MANBAL: variants seen among roughly 807,000 people sequenced by gnomAD.
MANBAL encodes the protein protein MANBAL.
In MANBAL, 1 loss-of-function variant was observed where a neutral mutation model predicts 6.4. The observed-to-expected ratio is 0.16, with a 90% CI of 0.06 to 0.74. The LOEUF is 0.74. MANBAL is among the 30% of genes least tolerant of loss of function. The probability of loss-of-function intolerance (pLI) is 0.78; values close to 1 mark genes in which losing one functional copy is unlikely to be tolerated. For synonymous variants in MANBAL, 47 were observed against 45.8 expected (o/e 1.03, Z -0.10); for missense variants, 100 against 107.8 (o/e 0.93, Z 0.32).
chr20:37,312,192 G>C (rs2069405836), intron 2 of MANBAL, among the ~76,000 whole-genome samples: 1 of 152,180 alleles, frequency 6.6e-6, no homozygotes, highest in African/African-American at 2.4e-5. Context: ...ACTCCCTTCA[G>C]CTGTAAAAAA....
intron 2 of MANBAL, among the ~76,000 whole-genome samples, chr20:37,313,677 G>C (rs2069440619): frequency 6.6e-6 from 1 of 152,154 alleles, no homozygotes; most frequent in African/African-American, 2.4e-5. Flanking sequence ...CTGCACTCCA[G>C]CCTGGGCAAA....
intron 2 of MANBAL, chr20:37,302,243 A>C: frequency 6.4e-7 from 1 of 1,550,526 alleles, no homozygotes; most frequent in Non-Finnish European, 8.7e-7. Flanking sequence ...GGTGTCATTT[A>C]ACGTGTTTCT....
chr20:37,309,400 C>G (rs2069330394), intron 2 of MANBAL, among the ~76,000 whole-genome samples: 1 of 152,212 alleles, frequency 6.6e-6, no homozygotes, highest in South Asian at 2.1e-4. Context: ...CCACATTTAG[C>G]TGCCTACTCT....
chr20:37,316,483 AT>A lies in MANBAL; in HGVS notation c.*70del. The stretch of plus-strand genomic sequence containing the variant: ...GGGGACAGCCCTCCTGGGAATCTAC[AT>A]TGTGTTCCCCCGCATTCCAGGCTCA... On this transcript the variant is annotated 3_prime_UTR_variant, in exon 3 of 3. Coordinates refer to ENST00000373606, the MANE Select transcript of MANBAL (RefSeq NM_001003897.2). 1 of 1,378,308 alleles carries A rather than the reference AT, an allele frequency of 7.3e-7. No individual in the cohort carries two copies. The highest frequency in any genetic ancestry group is 1.0e-6 in the Non-Finnish European group (1 of 990,192). The allele number at this position is 1,378,308 out of a possible 1,614,324, so 85.4% of individuals were successfully genotyped here.
intron 2 of MANBAL, among the ~76,000 whole-genome samples, chr20:37,311,397 C>T (rs1360560722): frequency 6.6e-6 from 1 of 152,216 alleles, no homozygotes; most frequent in African/African-American, 2.4e-5. Context: ...ATTTATCTCA[C>T]ACAAAGGGGA....
intron 2 of MANBAL, among the ~76,000 whole-genome samples, chr20:37,311,705 T>G (rs1260790740): frequency 6.6e-6 from 1 of 152,216 alleles, no homozygotes; most frequent in Non-Finnish European, 1.5e-5. Context: ...CAGGCTGGTC[T>G]TGAACTCCCG....
intron 2 of MANBAL, among the ~76,000 whole-genome samples, chr20:37,301,905 C>T (rs559727319): frequency 5.3e-5 from 8 of 152,246 alleles, no homozygotes; most frequent in South Asian, 4.1e-4. Context: ...GGGCACTGCA[C>T]GTGCAAGGGA....
intron 1 of MANBAL, among the ~76,000 whole-genome samples, chr20:37,295,245 G>A (rs1339094198): frequency 6.6e-6 from 1 of 152,180 alleles, no homozygotes; most frequent in African/African-American, 2.4e-5. Flanking sequence ...TATGAGTCAG[G>A]ACCTGGAATA....
chr20:37,293,663 C>G (rs974550244), intron 1 of MANBAL, among the ~76,000 whole-genome samples: 3 of 152,086 alleles, frequency 2.0e-5, no homozygotes, highest in Admixed American at 2.0e-4. Context: ...GTGACAAACC[C>G]GACTCCCACC....
At chr20:37,299,479 A>C (rs895831903) in intron 1 of MANBAL, among the ~76,000 whole-genome samples, 2 of 152,238 alleles carry the variant, frequency 1.3e-5, no homozygotes, top group African/African-American at 2.4e-5. Flanking sequence ...ATCTCAATTC[A>C]AACTAGCTGC....
intron 1 of MANBAL, among the ~76,000 whole-genome samples, chr20:37,297,749 T>A (rs1332308886): frequency 6.6e-6 from 1 of 152,006 alleles, no homozygotes; most frequent in Admixed American, 6.5e-5. Context: ...TTCAAGCGAT[T>A]CTCTTGCCTC....
intron 1 of MANBAL, among the ~76,000 whole-genome samples, chr20:37,298,425 A>G (rs534125501): frequency 6.6e-6 from 1 of 152,210 alleles, no homozygotes; most frequent in African/African-American, 2.4e-5. Context: ...TGGTAACCTC[A>G]ATTCTACTTT....
chr20:37,299,675 G>A (rs1417173147), intron 1 of MANBAL, among the ~76,000 whole-genome samples: 2 of 152,202 alleles, frequency 1.3e-5, no homozygotes, highest in African/African-American at 4.8e-5. Flanking sequence ...ACTGATGGGT[G>A]CTGTGGTAAA....
At chr20:37,303,034 T>C (rs1448921272) in intron 2 of MANBAL, among the ~76,000 whole-genome samples, 2 of 152,346 alleles carry the variant, frequency 1.3e-5, no homozygotes, top group East Asian at 3.9e-4. Flanking sequence ...TGCTTCAGCC[T>C]CCCAAGTAGC....
At chr20:37,299,820 T>A (rs1270476059) in intron 1 of MANBAL, among the ~76,000 whole-genome samples, 2 of 152,224 alleles carry the variant, frequency 1.3e-5, no homozygotes, top group African/African-American at 4.8e-5. Flanking sequence ...GGACATTCTT[T>A]GCAGAGTATG....
chr20:37,299,054 C>T (rs1483810650), intron 1 of MANBAL, among the ~76,000 whole-genome samples: 4 of 128,834 alleles, frequency 3.1e-5, no homozygotes, highest in East Asian at 5.1e-4. Context: ...TTATTTTTTA[C>T]GTGTATTTTT....
chr20:37,311,108 C>T (rs2069376499), intron 2 of MANBAL, among the ~76,000 whole-genome samples: 1 of 152,184 alleles, frequency 6.6e-6, no homozygotes, highest in African/African-American at 2.4e-5. Context: ...TGGAGTGTGG[C>T]TCGTGGTGGC....
At chr20:37,296,660 G>C (rs182598622) in intron 1 of MANBAL, among the ~76,000 whole-genome samples, 3 of 152,200 alleles carry the variant, frequency 2.0e-5, no homozygotes, top group African/African-American at 7.2e-5. Flanking sequence ...GTACCTGAAG[G>C]CTTTTTCTTC....
chr20:37,297,843 C>G (rs919500607), intron 1 of MANBAL, among the ~76,000 whole-genome samples: 5 of 152,064 alleles, frequency 3.3e-5, no homozygotes, highest in African/African-American at 7.2e-5. Flanking sequence ...CGGGGTTTCT[C>G]CATGTTGGTC....
Sources: allele counts gnomAD v4.1 joint callset (sites outside exome capture counted in the v4.1 genomes callset), GRCh38; gene constraint gnomAD v4.1.1; transcripts MANE v1.5; gene names NCBI Gene and HGNC (gene_info 2026-07-23, HGNC 2026-07-21).